Variants in TMEM74 observed in about 807,000 individuals in gnomAD.
The protein encoded by TMEM74 is transmembrane protein 74.
A neutral mutation model predicts 18.1 loss-of-function variants in TMEM74; 13 were observed. The observed-to-expected ratio is 0.72, with a 90% confidence interval of 0.47 to 1.14. TMEM74 has a LOEUF of 1.14. Among genes scored for constraint, TMEM74 ranks in the 50% most tolerant of loss-of-function variants. TMEM74 has a pLI of 0.00. For missense variants in TMEM74, 372 were observed against 375.9 expected, an observed-to-expected ratio of 0.99 and a Z score of 0.09; for synonymous variants, 159 against 146.6, an observed-to-expected ratio of 1.08 and a Z score of -0.61.
intron 2 of TMEM74, among the ~76,000 whole-genome samples, chr8:108,640,203 G>C (rs1812650384): frequency 1.4e-5 from 2 of 146,540 alleles, no homozygotes. Context: ...TGTGATCTCG[G>C]CTCTCTCTAA....
chr8:108,752,609 C>T (rs1813914689), intron 1 of TMEM74, among the ~76,000 whole-genome samples: 2 of 152,088 alleles, frequency 1.3e-5, no homozygotes, highest in Non-Finnish European at 2.9e-5. Context: ...AACCTAATTG[C>T]ATGATTTCAA....
At chr8:108,754,674 G>A (rs934547416) in intron 1 of TMEM74, among the ~76,000 whole-genome samples, 38 of 151,578 alleles carry the variant, frequency 2.5e-4, no homozygotes, top group African/African-American at 8.7e-4. Context: ...TAGGTAGCTA[G>A]GTAGCTAGGT....
intron 1 of TMEM74, among the ~76,000 whole-genome samples, chr8:108,736,236 G>A (rs1002535193): frequency 2.0e-5 from 3 of 152,004 alleles, no homozygotes; most frequent in Non-Finnish European, 4.4e-5. Context: ...TTGTATTTGA[G>A]CCATTTTATA....
Position 108,609,524 on chromosome 8 carries a change from T to C in TMEM74, n.265-698A>G, listed in dbSNP as rs577904652. On this transcript the variant is annotated intron_variant and non_coding_transcript_variant, in intron 2 of 3. Coordinates refer to the TMEM74 transcript ENST00000518838. ...TTAGCTGGGCTTGGTGGCTGGTGCCTGTAATCTCAGCTACTGGGGAGGCTG... is the reference window on the plus strand; with the variant it reads ...TTAGCTGGGCTTGGTGGCTGGTGCCCGTAATCTCAGCTACTGGGGAGGCTG... Among the ~76,000 whole-genome samples, 551 of 152,162 alleles carry C rather than the reference T, an allele frequency of 3.6e-3. 4 individuals are homozygous for C. Among genetic ancestry groups the C allele is most frequent in the Non-Finnish European group, 6.1e-3 (413 of 67,996 alleles).
At chr8:108,720,187 TA>T (rs5893933) in intron 1 of TMEM74, among the ~76,000 whole-genome samples, 38 of 147,840 alleles carry the variant, frequency 2.6e-4, no homozygotes, top group African/African-American at 3.2e-4. Flanking sequence ...CCAAATTTTG[TA>T]AAAAAAAAAA....
At chr8:108,658,431 G>A (rs1221994006) in intron 1 of TMEM74, among the ~76,000 whole-genome samples, 1 of 152,086 alleles carries the variant, frequency 6.6e-6, no homozygotes, top group Non-Finnish European at 1.5e-5. Flanking sequence ...AATGTGCTGA[G>A]ATAGACACAT....
At chr8:108,615,628 G>T (rs1050000962) in intron 2 of TMEM74, among the ~76,000 whole-genome samples, 2 of 152,036 alleles carry the variant, frequency 1.3e-5, no homozygotes, top group Non-Finnish European at 2.9e-5. Context: ...ACCGGTGGAA[G>T]GGAGAAGAAG....
intron 1 of TMEM74, among the ~76,000 whole-genome samples, chr8:108,746,781 A>G (rs1236794300): frequency 1.3e-5 from 2 of 152,026 alleles, no homozygotes; most frequent in African/African-American, 4.8e-5. Flanking sequence ...GATTTAATCA[A>G]TTGTGCCTTC....
intron 1 of TMEM74, among the ~76,000 whole-genome samples, chr8:108,667,597 T>C (rs1410627599): frequency 6.6e-6 from 1 of 152,162 alleles, no homozygotes; most frequent in African/African-American, 2.4e-5. Context: ...GGATTTTCCA[T>C]GATAATATAG....
chr8:108,634,665 C>T (rs2130555958), intron 2 of TMEM74, among the ~76,000 whole-genome samples: 1 of 152,132 alleles, frequency 6.6e-6, no homozygotes, highest in South Asian at 2.1e-4. Flanking sequence ...ACCGAGACCA[C>T]TGCTCCTCTT....
rs1273827719 is a variant in TMEM74, at chr8:108,780,913, C to A, written c.*3268G>T. ...TGGGTGGGAAGGACACACAGCGCTG[C>A]AAAGAAAACTCTTTGCAAACTCTAC... On this transcript the variant is annotated 3_prime_UTR_variant, in exon 2 of 2. Coordinates refer to ENST00000297459, the MANE Select transcript of TMEM74 (RefSeq NM_153015.3). Among the ~76,000 whole-genome samples, 1 of 152,124 alleles carries A rather than the reference C, an allele frequency of 6.6e-6. No individual in the cohort carries two copies. The highest frequency in any genetic ancestry group is 6.5e-5 in the Admixed American group (1 of 15,274).
intron 1 of TMEM74, among the ~76,000 whole-genome samples, chr8:108,659,897 G>A (rs754352170): frequency 6.6e-6 from 1 of 152,104 alleles, no homozygotes; most frequent in Admixed American, 6.6e-5. Flanking sequence ...AGTACAGTGA[G>A]AGCACAAAGC....
chr8:108,741,072 T>A (rs922360836), intron 1 of TMEM74, among the ~76,000 whole-genome samples: 3 of 152,214 alleles, frequency 2.0e-5, no homozygotes, highest in Non-Finnish European at 4.4e-5. Flanking sequence ...GAATTTTTTT[T>A]AAAGCATGTT....
intron 3 of TMEM74, among the ~76,000 whole-genome samples, chr8:108,608,168 G>A (rs1812297169): frequency 6.6e-6 from 1 of 151,946 alleles, no homozygotes; most frequent in Non-Finnish European, 1.5e-5. Flanking sequence ...TGGGCATGGT[G>A]GTGCGTGCCT....
At position 108,675,808 on chromosome 8, in the gene TMEM74, G is replaced by A. The variant is rs183711558; in HGVS notation, n.120-20371C>T. Among the ~76,000 whole-genome samples the A allele has an allele frequency of 2.6e-3, 392 of 152,320 alleles. 3 individuals are homozygous for A. The highest frequency in any genetic ancestry group is 9.0e-3 in the African/African-American group (374 of 41,580). ...AAACAGGGCATAGGCCTAGGCCAGT[G>A]CTATCCACAGTTACTAAAACATACT... On this transcript the variant is annotated intron_variant and non_coding_transcript_variant, in intron 1 of 3. Coordinates refer to the TMEM74 transcript ENST00000518838.
intron 1 of TMEM74, among the ~76,000 whole-genome samples, chr8:108,757,623 TA>T (rs990244237): frequency 2.2e-4 from 34 of 152,060 alleles, no homozygotes; most frequent in African/African-American, 8.2e-4. Flanking sequence ...GTGTTTTTTT[TA>T]AACAATACAT....
chr8:108,759,423 TA>T (rs1814014844), intron 1 of TMEM74, among the ~76,000 whole-genome samples: 2 of 152,206 alleles, frequency 1.3e-5, no homozygotes, highest in East Asian at 3.9e-4. Context: ...TTTGATGTAA[TA>T]AAAAGGTAAA....
chr8:108,671,114 A>T (rs544652003), intron 1 of TMEM74, among the ~76,000 whole-genome samples: 4 of 152,294 alleles, frequency 2.6e-5, no homozygotes, highest in Non-Finnish European at 5.9e-5. Context: ...AACTTGGTTG[A>T]ATGCAGTTGC....
At chr8:108,723,610 G>A (rs1379583492) in intron 1 of TMEM74, among the ~76,000 whole-genome samples, 1 of 152,112 alleles carries the variant, frequency 6.6e-6, no homozygotes, top group East Asian at 1.9e-4. Context: ...ACGGAAACAA[G>A]TCCAAATAGA....
Sources: allele counts gnomAD v4.1 joint callset (sites outside exome capture counted in the v4.1 genomes callset), GRCh38; gene constraint gnomAD v4.1.1; transcripts MANE v1.5; gene names NCBI Gene and HGNC (gene_info 2026-07-23, HGNC 2026-07-21).